Variants in BTBD9 observed in about 807,000 individuals in gnomAD.
The protein encoded by BTBD9 is BTB/POZ domain-containing protein 9.
A neutral mutation model predicts 64.3 loss-of-function variants in BTBD9; 49 were observed. The observed-to-expected ratio is 0.76, with a 90% CI of 0.61 to 0.97. The LOEUF (loss-of-function observed/expected upper bound fraction) is 0.97. Ranked by LOEUF, BTBD9 falls within the 50% of genes least tolerant of loss-of-function variation. The pLI is 0.00. For missense variants in BTBD9, 598 were observed against 762.1 expected (o/e 0.78, Z 2.53); for synonymous variants, 260 against 274.7 (o/e 0.95, Z 0.53).
chr6:38,369,753 A>C (rs563567990), intron 6 of BTBD9, among the ~76,000 whole-genome samples: 1 of 152,356 alleles, frequency 6.6e-6, no homozygotes, highest in South Asian at 2.1e-4. Flanking sequence ...TCTCTTGGCC[A>C]GGGCTCTTCA....
chr6:38,583,013 G>C (rs1776361834), intron 4 of BTBD9, among the ~76,000 whole-genome samples: 1 of 152,218 alleles, frequency 6.6e-6, no homozygotes, highest in African/African-American at 2.4e-5. Flanking sequence ...CCAATCTAGA[G>C]AGGAAGTACT....
chr6:38,519,199 C>A (rs1773178256), intron 6 of BTBD9, among the ~76,000 whole-genome samples: 1 of 152,160 alleles, frequency 6.6e-6, no homozygotes, highest in South Asian at 2.1e-4. Flanking sequence ...CCAAGGTGAA[C>A]TAGCCAGAGC....
At chr6:38,214,133 T>G (rs1398345718) in intron 9 of BTBD9, among the ~76,000 whole-genome samples, 3 of 152,198 alleles carry the variant, frequency 2.0e-5, no homozygotes, top group African/African-American at 7.2e-5. Context: ...TGGCCTAGAT[T>G]TCTCTCAGGC....
intron 6 of BTBD9, among the ~76,000 whole-genome samples, chr6:38,422,081 C>T (rs1298172340): frequency 6.6e-6 from 1 of 152,146 alleles, no homozygotes; most frequent in Non-Finnish European, 1.5e-5. Flanking sequence ...ATTTTCTAAA[C>T]CAGGGGTTTT....
intron 7 of BTBD9, among the ~76,000 whole-genome samples, chr6:38,330,536 C>T (rs1305321515): frequency 6.6e-6 from 1 of 151,848 alleles, no homozygotes; most frequent in East Asian, 1.9e-4. Context: ...AAATAAAATA[C>T]CGTCAAATTA....
chr6:38,389,041 TA>T (rs1204355074), intron 6 of BTBD9, among the ~76,000 whole-genome samples: 6 of 152,220 alleles, frequency 3.9e-5, no homozygotes, highest in Non-Finnish European at 5.9e-5. Flanking sequence ...AACTCTCTAC[TA>T]GATCTTCTAA....
At chr6:38,553,890 A>T (rs1376790955) in intron 6 of BTBD9, among the ~76,000 whole-genome samples, 1 of 151,964 alleles carries the variant, frequency 6.6e-6, no homozygotes, top group Non-Finnish European at 1.5e-5. Flanking sequence ...TTACTAAACC[A>T]TTGGGAACAG....
chr6:38,633,736 CTTT>C (rs931096182), intron 1 of BTBD9, among the ~76,000 whole-genome samples: 3 of 152,254 alleles, frequency 2.0e-5, no homozygotes, highest in African/African-American at 7.2e-5. Flanking sequence ...TTATCGTATT[CTTT>C]TTATTACTCC....
chr6:38,632,219 T>C (rs891362932), intron 1 of BTBD9, among the ~76,000 whole-genome samples: 1 of 152,238 alleles, frequency 6.6e-6, no homozygotes, highest in African/African-American at 2.4e-5. Context: ...TAACAGTTAT[T>C]CCATTTGCAG....
intron 9 of BTBD9, among the ~76,000 whole-genome samples, chr6:38,219,975 G>A (rs1763144497): frequency 6.6e-6 from 1 of 152,184 alleles, no homozygotes; most frequent in Non-Finnish European, 1.5e-5. Flanking sequence ...TCAGAGTCAT[G>A]TGTTGATGTG....
At chr6:38,382,952 T>G (rs1289569565) in intron 6 of BTBD9, among the ~76,000 whole-genome samples, 2 of 152,138 alleles carry the variant, frequency 1.3e-5, no homozygotes, top group Non-Finnish European at 2.9e-5. Context: ...ATAGGTGAAT[T>G]CTACCAAACA....
intron 7 of BTBD9, among the ~76,000 whole-genome samples, chr6:38,317,762 T>C (rs1562016281): frequency 6.6e-6 from 1 of 152,150 alleles, no homozygotes; most frequent in Non-Finnish European, 1.5e-5. Context: ...TTTTTTCTGC[T>C]TGATCAGTTC....
intron 6 of BTBD9, among the ~76,000 whole-genome samples, chr6:38,524,059 G>C (rs1773382759): frequency 6.6e-6 from 1 of 152,080 alleles, no homozygotes; most frequent in African/African-American, 2.4e-5. Flanking sequence ...CCCAATTAGA[G>C]AAATTTCTTA....
chr6:38,374,296 T>TATATATATATATATATATATATATATAC (rs1491482634), intron 6 of BTBD9, among the ~76,000 whole-genome samples: 10 of 70,610 alleles, frequency 1.4e-4, no homozygotes, highest in Admixed American at 3.0e-4. Context: ...TATATATATA[T>TATATATATATATATATATATATATATAC]GTATATATAT....
intron 4 of BTBD9, among the ~76,000 whole-genome samples, chr6:38,591,034 T>A (rs1562386201): frequency 6.6e-6 from 1 of 152,182 alleles, no homozygotes; most frequent in African/African-American, 2.4e-5. Context: ...TCTCTCTGAA[T>A]CAGTTTTCCC....
At chr6:38,508,666 A>G (rs1363347634) in intron 6 of BTBD9, among the ~76,000 whole-genome samples, 1 of 152,204 alleles carries the variant, frequency 6.6e-6, no homozygotes. Flanking sequence ...TTGGCCCAGC[A>G]GACAAAGCCC....
chr6:38,617,212 G>A (rs1027450698), intron 1 of BTBD9, among the ~76,000 whole-genome samples: 8 of 152,150 alleles, frequency 5.3e-5, no homozygotes, highest in South Asian at 4.2e-4. Context: ...CTGCACTTCC[G>A]GGCTGAGCCG....
At chr6:38,312,086 C>T (rs1387262845) in intron 7 of BTBD9, among the ~76,000 whole-genome samples, 3 of 151,952 alleles carry the variant, frequency 2.0e-5, no homozygotes, top group African/African-American at 7.3e-5. Context: ...GTCTCAAACT[C>T]CTGACTTCAG....
intron 6 of BTBD9, among the ~76,000 whole-genome samples, chr6:38,414,789 C>T (rs911258789): frequency 1.6e-4 from 24 of 152,162 alleles, no homozygotes; most frequent in South Asian, 1.4e-3. Context: ...GGCCCTCTCC[C>T]TTTATGCTGT....
Sources: allele counts gnomAD v4.1 joint callset (sites outside exome capture counted in the v4.1 genomes callset), GRCh38; gene constraint gnomAD v4.1.1; transcripts MANE v1.5; gene names NCBI Gene and HGNC (gene_info 2026-07-23, HGNC 2026-07-21).